CCNT1: variants seen among roughly 807,000 people sequenced by gnomAD.
CCNT1 encodes the protein cyclin T1.
In CCNT1, 18 loss-of-function variants were observed where a neutral mutation model predicts 67.3. That is an observed-to-expected ratio of 0.27 (90% CI 0.18 to 0.40). The LOEUF is 0.40. Among genes scored for constraint, CCNT1 ranks in the 10% least tolerant of loss-of-function variants. CCNT1 has a pLI of 1.00. For synonymous variants in CCNT1, 333 were observed against 310.3 expected, an observed-to-expected ratio of 1.07 and a Z score of -0.77; for missense variants, 744 against 884.9, an observed-to-expected ratio of 0.84 and a Z score of 2.02.
At position 48,692,004 on chromosome 12, in the gene CCNT1, A is replaced by G. The variant is rs1029045483; in HGVS notation, c.*1029T>C. The stretch of plus-strand genomic sequence containing the variant: ...ACCTTAAGACTGCTCTCATTTGAAC[A>G]CTTTCCCAAAGCCTCACTTGAAAAA... On this transcript the variant is annotated 3_prime_UTR_variant, in exon 9 of 9. Coordinates refer to ENST00000261900, the MANE Select transcript of CCNT1 (RefSeq NM_001240.4). 4 of 151,746 alleles carry G rather than the reference A, an allele frequency of 2.6e-5. No individual in the cohort carries two copies. Among genetic ancestry groups the G allele is most frequent in the Non-Finnish European group, 5.9e-5 (4 of 67,972 alleles). 9.4% of individuals were successfully genotyped at this position (151,746 alleles called of 1,614,324 possible).
chr12:48,704,299 T>C (rs1266141654), intron 3 of CCNT1, among the ~76,000 whole-genome samples: 2 of 152,204 alleles, frequency 1.3e-5, no homozygotes, highest in Non-Finnish European at 2.9e-5. Context: ...TGAAGCTTCA[T>C]CTGTATTTAT....
intron 1 of CCNT1, among the ~76,000 whole-genome samples, chr12:48,716,129 A>G (rs1000373487): frequency 6.6e-6 from 1 of 152,206 alleles, no homozygotes; most frequent in Non-Finnish European, 1.5e-5. Flanking sequence ...TTTACACACT[A>G]GGTTTGGGAG....
intron 7 of CCNT1, 47 bp from the exon 8 acceptor site, chr12:48,695,876 T>G (rs1422819581): frequency 1.2e-5 from 19 of 1,530,052 alleles, no homozygotes; most frequent in Non-Finnish European, 1.7e-5. Context: ...GAAACAGAAG[T>G]AATGAAACAA....
chr12:48,693,021 CTTTT>C lies in CCNT1; in HGVS notation c.*8_*11del, dbSNP rs1565614729. 2.7e-6 allele frequency: 4 copies of C among 1,461,560 alleles called. No homozygotes were observed. The highest frequency in any genetic ancestry group is 2.4e-5 in the East Asian group (1 of 41,724). The allele number at this position is 1,461,560 out of a possible 1,614,324, so 90.5% of individuals were successfully genotyped here. On this transcript the variant is annotated 3_prime_UTR_variant, in exon 9 of 9. Transcript: ENST00000261900. ...TTTAAAGAAGTTTTTTTCTCCTCTT[CTTTT>C]TCTTTTTTTACTTAGGAAGGGGTGG...
At position 48,716,698 on chromosome 12, in the gene CCNT1, G is replaced by A. The variant is rs781227115; in HGVS notation, c.-23C>T. ...CATAGTGCTTCAACCAGAAGGCAGCGGCGAAGGCTGCAGGCACTTCCCAGC... is the reference window on the plus strand; with the variant it reads ...CATAGTGCTTCAACCAGAAGGCAGCAGCGAAGGCTGCAGGCACTTCCCAGC... On this transcript the variant is annotated 5_prime_UTR_variant, in exon 1 of 9. Coordinates refer to ENST00000261900, the MANE Select transcript of CCNT1 (RefSeq NM_001240.4). 5.0e-6 allele frequency: 8 copies of A among 1,607,876 alleles called. No homozygotes were observed. In the African/African-American group the frequency reaches 8.0e-5, roughly 16 times the overall value.
At chr12:48,713,200 C>T (rs1313904875) in intron 2 of CCNT1, among the ~76,000 whole-genome samples, 5 of 134,804 alleles carry the variant, frequency 3.7e-5, no homozygotes. Flanking sequence ...TTTTTTTTAC[C>T]TTTTTTTTTT....
intron 2 of CCNT1, among the ~76,000 whole-genome samples, chr12:48,710,688 C>A (rs992602505): frequency 6.6e-6 from 1 of 152,110 alleles, no homozygotes; most frequent in African/African-American, 2.4e-5. Context: ...ATCATCCATT[C>A]ATTCAATAAG....
Position 48,696,045 on chromosome 12 carries a change from G to A in CCNT1, c.660C>T (p.His220=), listed in dbSNP as rs771340850. 4 of 1,614,042 alleles carry A rather than the reference G, an allele frequency of 2.5e-6. No individual in the cohort carries two copies. Among genetic ancestry groups the A allele is most frequent in the Non-Finnish European group, 3.4e-6 (4 of 1,180,026 alleles). The change falls in exon 7 of 9, where the codon CAC becomes CAT. Residue 220 remains histidine (H), a synonymous_variant. Coordinates refer to ENST00000261900, the MANE Select transcript of CCNT1 (RefSeq NM_001240.4). ...CAGTGGCGTCAACATACTCCCACCA[G>A]TGCTTCCCGTCAGTTGAGACTGGGA... ...WEIPVSTDGK[H]WWEYVDATVT...
intron 5 of CCNT1, among the ~76,000 whole-genome samples, chr12:48,699,290 G>A (rs1460516851): frequency 6.6e-6 from 1 of 152,034 alleles, no homozygotes; most frequent in East Asian, 1.9e-4. Flanking sequence ...AATCATAAAA[G>A]GCACTTAAAG....
At chr12:48,715,090 G>C (rs1200836684) in intron 1 of CCNT1, among the ~76,000 whole-genome samples, 2 of 152,184 alleles carry the variant, frequency 1.3e-5, no homozygotes, top group Non-Finnish European at 2.9e-5. Context: ...TGGTATTACA[G>C]GCGCGAGCCA....
In CCNT1 at chr12:48,715,049, C is replaced by A. The variant is rs569516282; in HGVS notation, c.162-525G>T. Among the ~76,000 whole-genome samples, 92 of 152,286 alleles carry A rather than the reference C, an allele frequency of 6.0e-4. No homozygotes were observed. The South Asian group carries it at 6.8e-3, about 11-fold the overall frequency. On this transcript the variant is annotated intron_variant, in intron 1 of 8. Coordinates refer to ENST00000261900, the MANE Select transcript of CCNT1 (RefSeq NM_001240.4). ...GCTGGTCTTGAACTCCTGGCCTCAA[C>A]TGATCGACCTGCCTTGGCCTCCGAA...
At chr12:48,700,737 T>G (rs528692987) in intron 4 of CCNT1, among the ~76,000 whole-genome samples, 12 of 152,308 alleles carry the variant, frequency 7.9e-5, no homozygotes, top group African/African-American at 1.7e-4. Flanking sequence ...TTATAATTTT[T>G]GGGGGTAAAA....
Position 48,705,887 on chromosome 12 carries a change from G to A in CCNT1, c.253C>T (p.Pro85Ser), listed in dbSNP as rs768603622. The change falls in exon 3 of 9, where the codon CCA becomes TCA. Residue 85 changes from proline to serine, a missense_variant. This residue lies in a region of CCNT1 where 142 missense variants were observed against 277.0 expected (regional missense o/e 0.51). Transcript: ENST00000261900. Reference sequence around the variant, plus strand: ...TTAGCTGCTAGAAACAAGGCTGCTGGAGCCACAGACTGAATGGAGAGAAAA... The same window carrying A: ...TTAGCTGCTAGAAACAAGGCTGCTGAAGCCACAGACTGAATGGAGAGAAAA... ...FTQFPGNSVAPAALFLAAKVE... is the reference protein window; with the variant it reads ...FTQFPGNSVASAALFLAAKVE... The A allele has an allele frequency of 1.2e-6, 2 of 1,612,764 alleles. No individual in the cohort carries two copies. Among genetic ancestry groups the A allele is most frequent in the South Asian group, 2.2e-5 (2 of 90,886 alleles).
chr12:48,698,910 C>G (rs767442039), intron 5 of CCNT1, among the ~76,000 whole-genome samples: 1 of 151,150 alleles, frequency 6.6e-6, no homozygotes, highest in African/African-American at 2.4e-5. Context: ...GAGCTGAGAT[C>G]GTGCTACTGC....
In CCNT1 at chr12:48,693,143, G is replaced by A. The variant is rs1220299772; in HGVS notation, c.2071C>T (p.Leu691=). 3 of 1,614,042 alleles carry A rather than the reference G, an allele frequency of 1.9e-6. No individual in the cohort carries two copies. The African/African-American group carries it at 4.0e-5, about 22-fold the overall frequency. ...GAGATTCCACCAGACCGAGGATTCAGATAGTCACTATAAGGACGAACAAAT... is the reference window on the plus strand; with the variant it reads ...GAGATTCCACCAGACCGAGGATTCAAATAGTCACTATAAGGACGAACAAAT... ...FEFVRPYSDY[L]NPRSGGISSR... Residue 691 remains leucine, a synonymous_variant, in exon 9 of 9, where the codon CTG becomes TTG. Transcript: ENST00000261900.
At chr12:48,704,416 T>A (rs767020948) in intron 3 of CCNT1, among the ~76,000 whole-genome samples, 8 of 152,198 alleles carry the variant, frequency 5.3e-5, no homozygotes, top group Non-Finnish European at 8.8e-5. Context: ...GAACTGCCCA[T>A]GCAAGGGATC....
chr12:48,701,517 A>G (rs576921031), intron 3 of CCNT1, among the ~76,000 whole-genome samples: 1 of 151,338 alleles, frequency 6.6e-6, no homozygotes, highest in South Asian at 2.1e-4. Context: ...AAAGCACCAT[A>G]TATTTGGTTC....
chr12:48,689,379 G>A lies in CCNT1; in HGVS notation c.*3654C>T, dbSNP rs1412013515. On this transcript the variant is annotated 3_prime_UTR_variant, in exon 9 of 9. Coordinates refer to ENST00000261900, the MANE Select transcript of CCNT1 (RefSeq NM_001240.4). ...ACTCACATCCACGGAGGGATAAAAA[G>A]ACAAAATAAAACTTGACAGTGTGAT... 6.6e-6 allele frequency: 1 copy of A among 152,130 alleles called. No homozygotes were observed. The highest frequency in any genetic ancestry group is 1.5e-5 in the Non-Finnish European group (1 of 68,024). The allele number at this position is 152,130 out of a possible 1,614,324, so 9.4% of individuals were successfully genotyped here. A position where few individuals can be genotyped will look rare whatever the true frequency, so the allele number is the denominator to read the frequency against.
At chr12:48,702,586 CA>C (rs1940288869) in intron 3 of CCNT1, among the ~76,000 whole-genome samples, 1 of 152,158 alleles carries the variant, frequency 6.6e-6, no homozygotes, top group African/African-American at 2.4e-5. Context: ...AGTTCAAGAT[CA>C]GCCTGGCCAA....
Sources: gnomAD v4.1 joint callset for allele counts (sites outside exome capture counted in the v4.1 genomes callset) on GRCh38, gnomAD v4.1.1 for gene constraint, gnomAD v4.1.1 regional missense constraint, MANE v1.5 for transcripts, NCBI Gene and HGNC (gene_info 2026-07-23, HGNC 2026-07-21) for gene names.